The following ALKBH3 variants were observed in gnomAD, a reference collection of about 807,000 sequenced individuals.
ALKBH3 encodes alkB homolog 3, alpha-ketoglutarate dependent dioxygenase.
A neutral mutation model predicts 43.9 loss-of-function variants in ALKBH3; 51 were observed. The ratio of observed to expected loss-of-function variants is 1.16; its 90% confidence interval spans 0.93 to 1.47. The LOEUF is 1.47. Among genes scored for constraint, ALKBH3 ranks in the 40% most tolerant of loss-of-function variants. The pLI, the probability that ALKBH3 is intolerant of heterozygous loss-of-function variation, is 0.00. For missense variants in ALKBH3, 361 were observed against 351.9 expected (o/e 1.03, Z -0.21); for synonymous variants, 102 against 115.2 (o/e 0.89, Z 0.73).
At chr11:43,913,106 TAAAAA>T (rs1157441702) in intron 8 of ALKBH3, among the ~76,000 whole-genome samples, 11 of 133,918 alleles carry the variant, frequency 8.2e-5, no homozygotes, top group Non-Finnish European at 1.1e-4. Flanking sequence ...TTCCAGTTGT[TAAAAA>T]AAAAAAAAAA....
chr11:43,910,773 A>G (rs1229275019), intron 8 of ALKBH3, among the ~76,000 whole-genome samples: 1 of 150,144 alleles, frequency 6.7e-6, no homozygotes, highest in African/African-American at 2.5e-5. Context: ...CCATGCCTAC[A>G]GTACTAAAAT....
At chr11:43,908,386 T>C (rs1184956875) in intron 8 of ALKBH3, among the ~76,000 whole-genome samples, 1 of 152,206 alleles carries the variant, frequency 6.6e-6, no homozygotes, top group African/African-American at 2.4e-5. Flanking sequence ...ATGAGTGTTC[T>C]GGTATTAACA....
rs34274072 is a variant in ALKBH3, at chr11:43,900,215, ATTTTTTTT to A, written c.460-1282_460-1275del. ...ATTGCATTTTTTTTATTTTAATTTA[ATTTTTTTT>A]TTTTTTTTTTTTTTTTTTGCGACAG... On this transcript the variant is annotated intron_variant, in intron 7 of 9. Coordinates refer to ENST00000302708, the MANE Select transcript of ALKBH3 (RefSeq NM_139178.4). Among the ~76,000 whole-genome samples, 693 of 87,186 alleles carry A rather than the reference ATTTTTTTT, an allele frequency of 7.9e-3. 2 individuals carry two copies. Among genetic ancestry groups the A allele is most frequent in the African/African-American group, 0.022 (500 of 22,420 alleles). The allele number at this position is 87,186 out of a possible 152,430, so 57.2% of individuals were successfully genotyped here. A position where few individuals can be genotyped will look rare whatever the true frequency, so the allele number is the denominator to read the frequency against.
chr11:43,896,529 G>A (rs1312297682), intron 7 of ALKBH3, among the ~76,000 whole-genome samples: 1 of 152,126 alleles, frequency 6.6e-6, no homozygotes, highest in African/African-American at 2.4e-5. Flanking sequence ...TATATTCACT[G>A]GCAGCTGATT....
chr11:43,893,285 C>A (rs1182216006), intron 7 of ALKBH3, among the ~76,000 whole-genome samples: 8 of 152,170 alleles, frequency 5.3e-5, no homozygotes, highest in African/African-American at 1.9e-4. Flanking sequence ...TGACCTCCAC[C>A]TGTTAGATGT....
chr11:43,919,004 C>A lies in ALKBH3; in HGVS notation c.670-34C>A. 3.2e-6 allele frequency: 5 copies of A among 1,544,420 alleles called. 1 individual carries two copies. Among genetic ancestry groups the A allele is most frequent in the Non-Finnish European group, 4.5e-6 (5 of 1,117,884 alleles). Reference sequence around the variant, plus strand: ...TTCTGTTGCATCTTGATTACACAGGCAAAACATTTATTACAACAAATGCTG... The same window carrying A: ...TTCTGTTGCATCTTGATTACACAGGAAAAACATTTATTACAACAAATGCTG... On this transcript the variant is annotated intron_variant, in intron 8 of 9. Coordinates refer to ENST00000302708, the MANE Select transcript of ALKBH3 (RefSeq NM_139178.4).
chr11:43,892,618 C>T (rs1327031685), intron 7 of ALKBH3, among the ~76,000 whole-genome samples: 1 of 152,212 alleles, frequency 6.6e-6, no homozygotes, highest in Non-Finnish European at 1.5e-5. Flanking sequence ...TCTGCTGCTG[C>T]TTTTGCTTTT....
At chr11:43,890,463 T>C (rs1252063300) in intron 6 of ALKBH3, among the ~76,000 whole-genome samples, 1 of 152,136 alleles carries the variant, frequency 6.6e-6, no homozygotes, top group Non-Finnish European at 1.5e-5. Context: ...ATTGAGTGAA[T>C]TTAAATTTTC....
At chr11:43,907,631 A>G (rs535834870) in intron 8 of ALKBH3, among the ~76,000 whole-genome samples, 1 of 152,200 alleles carries the variant, frequency 6.6e-6, no homozygotes, top group East Asian at 1.9e-4. Context: ...ATCTTTCACA[A>G]GTCACATTTT....
At chr11:43,909,728 C>T (rs1951922963) in intron 8 of ALKBH3, 1 of 152,188 alleles carries the variant, frequency 6.6e-6, no homozygotes, top group Non-Finnish European at 1.5e-5. Flanking sequence ...CTGTCTGATC[C>T]TTAGACCAGC....
chr11:43,892,188 C>T, intron 7 of ALKBH3, 59 bp downstream of exon 7: 1 of 1,407,746 alleles, frequency 7.1e-7, no homozygotes, highest in Non-Finnish European at 9.9e-7. Context: ...GTGTTGAGTG[C>T]TATAAAATAA....
chr11:43,913,560 G>C (rs1951958433), intron 8 of ALKBH3, among the ~76,000 whole-genome samples: 1 of 152,198 alleles, frequency 6.6e-6, no homozygotes, highest in Non-Finnish European at 1.5e-5. Flanking sequence ...AATTGTACGT[G>C]TATTTGATAT....
intron 7 of ALKBH3, chr11:43,898,283 G>T: frequency 2.7e-6 from 2 of 745,110 alleles, no homozygotes; most frequent in South Asian, 3.1e-5. Context: ...CAGTTCCTAT[G>T]TGCATGGGAT....
At chr11:43,893,494 T>A (rs1041329374) in intron 7 of ALKBH3, among the ~76,000 whole-genome samples, 2 of 152,248 alleles carry the variant, frequency 1.3e-5, no homozygotes, top group African/African-American at 2.4e-5. Context: ...TCCTTTTTTT[T>A]AAATGTTGGT....
rs1272491193 is a variant in ALKBH3 at position 43,919,087 on chromosome 11, A to G, written c.719A>G (p.Asp240Gly). 1 of 1,613,560 alleles carries G rather than the reference A, an allele frequency of 6.2e-7. No homozygotes were observed. Reference sequence around the variant, plus strand: ...GTGGAAAGAGTGAAGATACCCTTGGATCATGGGACCTTGTTAATCATGGAA... The same window carrying G: ...GTGGAAAGAGTGAAGATACCCTTGGGTCATGGGACCTTGTTAATCATGGAA... Reference protein sequence around the residue: ...TYVERVKIPLDHGTLLIMEGA... With the variant: ...TYVERVKIPLGHGTLLIMEGA... The change falls in exon 9 of 10, where the codon GAT becomes GGT. Residue 240 changes from aspartate (D) to glycine (G), a missense_variant. By Grantham distance (94) the Asp-to-Gly change is moderately conservative. Transcript: ENST00000302708.
At chr11:43,912,634 C>T (rs1951948839) in intron 8 of ALKBH3, 1 of 152,144 alleles carries the variant, frequency 6.6e-6, no homozygotes, top group Admixed American at 6.5e-5. Flanking sequence ...AACCAACTGC[C>T]TCACTGTTAT....
In ALKBH3 at chr11:43,892,136, C is replaced by G; in HGVS notation, c.459+7C>G. Reference sequence around the variant, plus strand: ...TATGGAACCAAATCCTCACGTATGTCAACATATTGTCATTGGTATGGTTTT... The same window carrying G: ...TATGGAACCAAATCCTCACGTATGTGAACATATTGTCATTGGTATGGTTTT... On this transcript the variant is annotated splice_region_variant and intron_variant, in intron 7 of 9. Coordinates refer to ENST00000302708, the MANE Select transcript of ALKBH3 (RefSeq NM_139178.4). 1.3e-6 allele frequency: 2 copies of G among 1,591,842 alleles called. No homozygotes were observed.
intron 7 of ALKBH3, chr11:43,898,784 T>C: frequency 1.3e-6 from 1 of 757,334 alleles, no homozygotes; most frequent in Non-Finnish European, 2.5e-6. Context: ...AGTCCATTTA[T>C]TGATGACAAC....
chr11:43,894,262 C>T (rs1326900190), intron 7 of ALKBH3, among the ~76,000 whole-genome samples: 1 of 152,102 alleles, frequency 6.6e-6, no homozygotes. Flanking sequence ...TCCTGTAGAC[C>T]CAGAGGTACC....
Sources: allele counts gnomAD v4.1 joint callset (sites outside exome capture counted in the v4.1 genomes callset), GRCh38; gene constraint gnomAD v4.1.1; transcripts MANE v1.5; gene names NCBI Gene and HGNC (gene_info 2026-07-23, HGNC 2026-07-21).